ORC4: variants seen among roughly 807,000 people sequenced by gnomAD.
ORC4 encodes origin recognition complex subunit 4, also known as origin recognition complex, subunit 4 homolog.
ORC4 carries 55 observed loss-of-function variants against 63.9 expected under a neutral mutation model. The ratio of observed to expected loss-of-function variants is 0.86; its 90% CI spans 0.69 to 1.08. The LOEUF is 1.08. Among genes scored for constraint, ORC4 ranks in the 50% least tolerant of loss-of-function variants. The pLI is 0.00. For synonymous variants in ORC4, 150 were observed against 168.5 expected (o/e 0.89, Z 0.85); for missense variants, 511 against 504.4 (o/e 1.01, Z -0.13).
chr2:147,941,840 C>T (rs1401792735), intron 10 of ORC4, among the ~76,000 whole-genome samples: 1 of 151,862 alleles, frequency 6.6e-6, no homozygotes, highest in Non-Finnish European at 1.5e-5. Flanking sequence ...CCCCAAATTC[C>T]TTCATGATAT....
rs1258855024 is a variant in ORC4, at chr2:147,948,161, T to C, written c.652A>G (p.Met218Val). 6.2e-7 allele frequency: 1 copy of C among 1,610,598 alleles called. No individual in the cohort carries two copies. Among genetic ancestry groups the C allele is most frequent in the African/African-American group, 1.3e-5 (1 of 74,844 alleles). ...SRFSHRQIHLMNSFGFPQYVK... is the reference protein window; with the variant it reads ...SRFSHRQIHLVNSFGFPQYVK... Reference sequence around the variant, plus strand: ...TACTGTGGAAAACCAAATGAATTCATTAAGTGTATCTGCCGGTGAGAAAAT... The same window carrying C: ...TACTGTGGAAAACCAAATGAATTCACTAAGTGTATCTGCCGGTGAGAAAAT... The change falls in exon 9 of 14, where the codon ATG (methionine) becomes GTG (valine). Residue 218 changes from methionine to valine, a missense_variant. By Grantham distance (21) the Met-to-Val change is conservative (BLOSUM62 1). Coordinates refer to ENST00000392857, the MANE Select transcript of ORC4 (RefSeq NM_181741.4).
rs1692408344 is a variant in ORC4, at chr2:148,002,993, A to C, written c.-18+17640T>G. Among the ~76,000 whole-genome samples the C allele has an allele frequency of 7.9e-5, 12 of 152,388 alleles. No individual in the cohort carries two copies. In the South Asian group the frequency reaches 2.3e-3, roughly 29 times the overall value. ...GAATACTATAAACACTTCTACACAA[A>C]TAAACTAGAAAATCTAGAAGAAATG... is the stretch of plus-strand genomic sequence containing the variant. On this transcript the variant is annotated intron_variant, in intron 1 of 13. Transcript: ENST00000392857.
intron 1 of ORC4, among the ~76,000 whole-genome samples, chr2:147,978,485 G>A (rs968551476): frequency 1.3e-5 from 2 of 152,158 alleles, no homozygotes; most frequent in African/African-American, 4.8e-5. Context: ...GCAGGACCAA[G>A]TTCAGAAAGC....
rs374531790 is a variant in ORC4, at chr2:147,975,885, T to C, written c.57+17A>G. The C allele has an allele frequency of 9.6e-5, 137 of 1,428,572 alleles. No individual in the cohort carries two copies. Among genetic ancestry groups the C allele is most frequent in the Middle Eastern group, 8.8e-4 (5 of 5,668 alleles). 88.5% of individuals were successfully genotyped at this position (1,428,572 alleles called of 1,614,324 possible). On this transcript the variant is annotated intron_variant, in intron 2 of 13. Transcript: ENST00000392857. ...ACAGGGTAAAATATCTTGAGATTAA[T>C]GAAAATACATACTAACCTGTGAAAG...
chr2:148,021,472 C>T (rs1476751262), upstream of ORC4: 3 of 577,878 alleles, frequency 5.2e-6, no homozygotes, highest in Admixed American at 2.2e-5. Context: ...GTTGCTGCTG[C>T]TGCTGCTGTT....
At chr2:147,983,907 T>C (rs574979065) in intron 1 of ORC4, among the ~76,000 whole-genome samples, 16 of 152,238 alleles carry the variant, frequency 1.1e-4, no homozygotes, top group Middle Eastern at 3.4e-3. Flanking sequence ...AAGGTGGAGA[T>C]AGATGCTTCT....
chr2:147,942,364 T>C (rs1037687958), intron 10 of ORC4, among the ~76,000 whole-genome samples: 1 of 152,162 alleles, frequency 6.6e-6, no homozygotes, highest in African/African-American at 2.4e-5. Context: ...TTGTTTGATA[T>C]TGGTATTATG....
At chr2:148,014,435 T>G (rs891386652) in intron 1 of ORC4, among the ~76,000 whole-genome samples, 1 of 152,184 alleles carries the variant, frequency 6.6e-6, no homozygotes, top group African/African-American at 2.4e-5. Flanking sequence ...AGACCTTTCC[T>G]AGAAAAATGT....
chr2:148,018,338 T>C (rs991464659), intron 1 of ORC4, among the ~76,000 whole-genome samples: 22 of 152,216 alleles, frequency 1.4e-4, no homozygotes, highest in Non-Finnish European at 2.8e-4. Flanking sequence ...TAAAGGGATC[T>C]ACCATATACT....
At chr2:147,950,301 A>G (rs941385154) in intron 8 of ORC4, among the ~76,000 whole-genome samples, 1 of 152,196 alleles carries the variant, frequency 6.6e-6, no homozygotes. Context: ...TCTTTGTAGT[A>G]GGCAGTAATG....
chr2:147,958,738 A>C (rs562571570), intron 5 of ORC4, 53 bp downstream of exon 5: 1 of 902,948 alleles, frequency 1.1e-6, no homozygotes, highest in Admixed American at 1.8e-5. Context: ...AAGTCATATA[A>C]AAACCCCACA....
At chr2:147,989,252 T>C (rs185381814) in intron 1 of ORC4, among the ~76,000 whole-genome samples, 8 of 152,182 alleles carry the variant, frequency 5.3e-5, no homozygotes, top group Admixed American at 2.0e-4. Flanking sequence ...AAACTATCCA[T>C]TGGCTACAGA....
chr2:147,997,384 T>A (rs959853726), intron 1 of ORC4, among the ~76,000 whole-genome samples: 6 of 152,188 alleles, frequency 3.9e-5, no homozygotes, highest in Admixed American at 3.9e-4. Context: ...TTTATTCATA[T>A]GTTTGTCGTT....
At chr2:148,001,426 T>A (rs1277633671) in intron 1 of ORC4, among the ~76,000 whole-genome samples, 1 of 152,112 alleles carries the variant, frequency 6.6e-6, no homozygotes. Context: ...AGGAGCCCTA[T>A]AAGCCAGAAG....
chr2:147,935,662 G>T lies in ORC4; in HGVS notation c.1159C>A (p.Pro387Thr). The T allele has an allele frequency of 1.2e-6, 2 of 1,613,146 alleles. No individual in the cohort carries two copies. The highest frequency in any genetic ancestry group is 1.7e-6 in the Non-Finnish European group (2 of 1,179,764). Residue 387 changes from proline to threonine, a missense_variant, in exon 14 of 14, where the codon CCC (proline) becomes ACC (threonine). Transcript: ENST00000392857. The part of the protein sequence containing the change: ...EHLQQLELIK[P>T]MERTSGNSQR... ...GAATTTCCTGAAGTTCTTTCCATGG[G>T]CTTTATTAATTCTAATTGCTGCAAG...
In ORC4 at chr2:147,981,120, G is replaced by C. The variant is rs560036935; in HGVS notation, c.-17-5145C>G. Reference sequence around the variant, plus strand: ...TGTTAGCTGAAATAAGCCAGGCACAGAAAGACAAACACCACATAATCTAAT... The same window carrying C: ...TGTTAGCTGAAATAAGCCAGGCACACAAAGACAAACACCACATAATCTAAT... On this transcript the variant is annotated intron_variant, in intron 1 of 13. Transcript: ENST00000392857. Among the ~76,000 whole-genome samples, 10 of 152,310 alleles carry C rather than the reference G, an allele frequency of 6.6e-5. No individual in the cohort carries two copies. In the East Asian group the frequency reaches 1.9e-3, roughly 29 times the overall value.
upstream of ORC4, chr2:148,021,208 A>G: frequency 4.1e-6 from 1 of 242,420 alleles, no homozygotes; most frequent in East Asian, 1.1e-4. Context: ...ACCCCACTTC[A>G]ACCTTGAATT....
chr2:148,021,471 G>GCTGCTGCTGTTGCTGCTGCTGCTGCTA (rs1373757641), upstream of ORC4: 14 of 579,114 alleles, frequency 2.4e-5, no homozygotes, highest in East Asian at 4.5e-5. Context: ...TGTTGCTGCT[G>GCTGCTGCTGTTGCTGCTGCTGCTGCTA]CTGCTGCTGT....
chr2:147,996,138 T>C (rs1691958848), intron 1 of ORC4, among the ~76,000 whole-genome samples: 1 of 152,128 alleles, frequency 6.6e-6, no homozygotes, highest in Non-Finnish European at 1.5e-5. Flanking sequence ...ACCCCGTCTC[T>C]ACTAAAAATT....
Sources: gnomAD v4.1 joint callset for allele counts (sites outside exome capture counted in the v4.1 genomes callset) on GRCh38, gnomAD v4.1.1 for gene constraint, MANE v1.5 for transcripts, NCBI Gene and HGNC (gene_info 2026-07-23, HGNC 2026-07-21) for gene names.